The following INVS variants were observed in gnomAD, a reference collection of about 807,000 sequenced individuals.
The protein encoded by INVS is inversin.
INVS carries 86 observed loss-of-function variants against 108.8 expected under a neutral mutation model. That is an observed-to-expected ratio of 0.79 (90% confidence interval 0.66 to 0.95). The LOEUF is 0.95. Among genes scored for constraint, INVS ranks in the 40% least tolerant of loss-of-function variants. The probability of loss-of-function intolerance (pLI) is 0.00; values close to 1 mark genes in which losing one functional copy is unlikely to be tolerated. For missense variants in INVS, 1,169 were observed against 1,297.4 expected (o/e 0.90, Z 1.52); for synonymous variants, 455 against 473.5 (o/e 0.96, Z 0.51).
intron 3 of INVS, among the ~76,000 whole-genome samples, chr9:100,168,400 CATTT>C (rs1829433767): frequency 2.0e-5 from 3 of 152,120 alleles, no homozygotes; most frequent in Admixed American, 2.0e-4. Flanking sequence ...ATTTTTATAC[CATTT>C]ATTAGCCTTT....
chr9:100,185,311 C>T (rs1830020364), intron 3 of INVS, among the ~76,000 whole-genome samples: 1 of 151,358 alleles, frequency 6.6e-6, no homozygotes, highest in South Asian at 2.1e-4. Context: ...CTCACATCAC[C>T]ACCACCACAG....
chr9:100,265,848 G>A (rs894627976), intron 11 of INVS, among the ~76,000 whole-genome samples: 4 of 152,210 alleles, frequency 2.6e-5, no homozygotes, highest in South Asian at 2.1e-4. Flanking sequence ...AGGCCAAGGC[G>A]AGCAGATCAA....
In INVS at chr9:100,135,564, A is replaced by AT. The variant is rs550641386; in HGVS notation, c.273+9017dup. ...TTGTCTTTGCTGCATTTTCAATGCT[A>AT]TTGGCTCCATAACCTCTAGATACCT... On this transcript the variant is annotated intron_variant, in intron 3 of 16. Transcript: ENST00000262457. Among the ~76,000 whole-genome samples the AT allele has an allele frequency of 2.6e-3, 398 of 152,280 alleles. 1 individual carries two copies. The highest frequency in any genetic ancestry group is 4.6e-3 in the Non-Finnish European group (312 of 68,008).
At chr9:100,233,781 A>G (rs147006395) in intron 5 of INVS, among the ~76,000 whole-genome samples, 1,525 of 152,206 alleles carry the variant, frequency 0.01, 62 homozygotes, top group Admixed American at 0.064. Context: ...CCAGTATTTT[A>G]TTGAGGATTT....
intron 3 of INVS, among the ~76,000 whole-genome samples, chr9:100,192,957 G>T (rs948913403): frequency 6.7e-6 from 1 of 148,582 alleles, no homozygotes; most frequent in Admixed American, 6.7e-5. Context: ...TTTCAGATTA[G>T]ATTACCTATG....
chr9:100,238,885 T>G (rs1023301907), intron 5 of INVS, among the ~76,000 whole-genome samples: 5 of 152,248 alleles, frequency 3.3e-5, no homozygotes, highest in Admixed American at 3.3e-4. Context: ...AATAAACACA[T>G]GATTAAAAAA....
intron 2 of INVS, among the ~76,000 whole-genome samples, chr9:100,109,815 G>A (rs1827286892): frequency 6.6e-6 from 1 of 152,174 alleles, no homozygotes; most frequent in South Asian, 2.1e-4. Context: ...ACAGGCATGT[G>A]CCACCATGCC....
intron 3 of INVS, among the ~76,000 whole-genome samples, chr9:100,169,420 C>T (rs1209118828): frequency 1.3e-5 from 2 of 152,228 alleles, no homozygotes; most frequent in Admixed American, 6.5e-5. Flanking sequence ...TGAGTTAGCT[C>T]GTTCTCTAAT....
rs144978763 is a variant in INVS at position 100,296,497 on chromosome 9, G to A, written c.2787-420G>A. Among the ~76,000 whole-genome samples the A allele has an allele frequency of 4.5e-4, 68 of 152,268 alleles. No individual in the cohort carries two copies. In the East Asian group the frequency reaches 5.6e-3, roughly 13 times the overall value. ...TCTCTGCTGATGCCAGTTCTGCTAC[G>A]TAGAATGCCCTTCTCTGCCTGGTAA... On this transcript the variant is annotated intron_variant, in intron 14 of 16. Coordinates refer to ENST00000262457, the MANE Select transcript of INVS (RefSeq NM_014425.5).
intron 8 of INVS, among the ~76,000 whole-genome samples, chr9:100,249,081 G>A (rs896178010): frequency 5.3e-5 from 8 of 151,850 alleles, no homozygotes; most frequent in Non-Finnish European, 7.4e-5. Context: ...CATTTGAAGA[G>A]CATAAGAACC....
At chr9:100,192,783 G>T (rs1830260014) in intron 3 of INVS, among the ~76,000 whole-genome samples, 1 of 152,028 alleles carries the variant, frequency 6.6e-6, no homozygotes, top group South Asian at 2.1e-4. Flanking sequence ...GTTTTAATTT[G>T]CATTTACCTA....
chr9:100,252,871 A>G, intron 9 of INVS, 36 bp from the exon 10 acceptor site: 1 of 1,420,956 alleles, frequency 7.0e-7, no homozygotes, highest in East Asian at 2.3e-5. Flanking sequence ...AAAGCTATTT[A>G]TATTAGACAT....
intron 3 of INVS, among the ~76,000 whole-genome samples, chr9:100,190,304 A>C (rs1293497511): frequency 1.3e-5 from 2 of 152,104 alleles, no homozygotes; most frequent in Non-Finnish European, 2.9e-5. Context: ...TGAATACAGC[A>C]GATATTTGGT....
intron 3 of INVS, among the ~76,000 whole-genome samples, chr9:100,179,709 C>G (rs552342146): frequency 7.9e-5 from 12 of 152,002 alleles, no homozygotes; most frequent in Non-Finnish European, 1.6e-4. Flanking sequence ...CTTGAACACC[C>G]CACTGTCAAT....
intron 3 of INVS, among the ~76,000 whole-genome samples, chr9:100,132,701 AACTCT>A (rs2118917696): frequency 6.6e-6 from 1 of 152,318 alleles, no homozygotes; most frequent in African/African-American, 2.4e-5. Context: ...GAGGAAACTG[AACTCT>A]ACTCCTTTTA....
intron 3 of INVS, among the ~76,000 whole-genome samples, chr9:100,173,075 A>G (rs932891037): frequency 6.6e-6 from 1 of 152,226 alleles, no homozygotes; most frequent in Non-Finnish European, 1.5e-5. Flanking sequence ...TACTTCTCAC[A>G]TCATCAAGAT....
At chr9:100,256,364 C>A (rs982727707) in intron 10 of INVS, among the ~76,000 whole-genome samples, 37 of 152,066 alleles carry the variant, frequency 2.4e-4, no homozygotes, top group African/African-American at 8.4e-4. Context: ...TAAAAAAAAC[C>A]AGCTCCTGGA....
At chr9:100,101,951 G>A (rs1827008331) in intron 1 of INVS, 1 of 152,166 alleles carries the variant, frequency 6.6e-6, no homozygotes, top group Non-Finnish European at 1.5e-5. Context: ...TAGGAAGGAT[G>A]TTTAAGATCA....
chr9:100,265,903 C>T (rs1206816816), intron 11 of INVS, among the ~76,000 whole-genome samples: 1 of 152,092 alleles, frequency 6.6e-6, no homozygotes, highest in East Asian at 1.9e-4. Flanking sequence ...ATGGTGAAAC[C>T]CCATCTCTAC....
Sources: gnomAD v4.1 joint callset for allele counts (sites outside exome capture counted in the v4.1 genomes callset) on GRCh38, gnomAD v4.1.1 for gene constraint, MANE v1.5 for transcripts, NCBI Gene and HGNC (gene_info 2026-07-23, HGNC 2026-07-21) for gene names.